ADGRG6: variants seen among roughly 807,000 people sequenced by gnomAD.
The protein encoded by ADGRG6 is adhesion G protein-coupled receptor G6.
ADGRG6 carries 84 observed loss-of-function variants against 142.4 expected under a neutral mutation model. The observed-to-expected ratio is 0.59, with a 90% CI of 0.49 to 0.71. The LOEUF (loss-of-function observed/expected upper bound fraction) is 0.71. Among genes scored for constraint, ADGRG6 ranks in the 30% least tolerant of loss-of-function variants. The pLI is 0.00. For synonymous variants in ADGRG6, 521 were observed against 520.5 expected (o/e 1.00, Z -0.01); for missense variants, 1,367 against 1,466.6 (o/e 0.93, Z 1.11).
intron 2 of ADGRG6, among the ~76,000 whole-genome samples, chr6:142,354,736 A>G (rs1780360395): frequency 1.3e-5 from 2 of 152,222 alleles, no homozygotes; most frequent in Non-Finnish European, 2.9e-5. Flanking sequence ...TTCCTTTCAG[A>G]CAAAATTGCA....
chr6:142,415,931 C>T lies in ADGRG6; in HGVS notation c.2805C>T (p.Val935=). Residue 935 remains valine, a synonymous_variant, in exon 20 of 25, where the codon GTC becomes GTT. Coordinates refer to ENST00000367609, the MANE Select transcript of ADGRG6 (RefSeq NM_198569.3). ...NVDGLCIAVA[V]LLHFFLLATF... is the part of the protein sequence containing the mutation. ...ATGGACTTTGCATTGCTGTTGCAGT[C>T]CTGTTGCATTTCTTCCTTCTGGCAA... The T allele has an allele frequency of 1.2e-6, 2 of 1,613,686 alleles. No individual in the cohort carries two copies. Among genetic ancestry groups the T allele is most frequent in the Non-Finnish European group, 1.7e-6 (2 of 1,179,704 alleles).
chr6:142,367,617 C>A lies in ADGRG6; in HGVS notation c.152C>A (p.Thr51Asn), dbSNP rs374848824. ...CRVVLSNPSG[T>N]FTSPCYPNDY... is the part of the protein sequence containing the mutation. The stretch of plus-strand genomic sequence containing the variant: ...GTGGTTTTGTCCAACCCTTCTGGGA[C>A]CTTTACTTCTCCATGCTACCCTAAC... Residue 51 changes from threonine to asparagine, a missense_variant, in exon 3 of 25, where the codon ACC (threonine) becomes AAC (asparagine). By Grantham distance (65) the Thr-to-Asn change is moderately conservative. Coordinates refer to ENST00000367609, the MANE Select transcript of ADGRG6 (RefSeq NM_198569.3). 5.6e-6 allele frequency: 9 copies of A among 1,613,776 alleles called. No homozygotes were observed. The highest frequency in any genetic ancestry group is 7.6e-6 in the Non-Finnish European group (9 of 1,179,842).
At chr6:142,382,837 T>C (rs1156986371) in intron 5 of ADGRG6, among the ~76,000 whole-genome samples, 2 of 152,144 alleles carry the variant, frequency 1.3e-5, no homozygotes, top group East Asian at 1.9e-4. Context: ...AGAAGTGAGA[T>C]TGAAGAAATA....
intron 21 of ADGRG6, among the ~76,000 whole-genome samples, chr6:142,418,593 T>C (rs1002073331): frequency 1.3e-5 from 2 of 152,186 alleles, no homozygotes; most frequent in Non-Finnish European, 2.9e-5. Flanking sequence ...TTTAGAAGTA[T>C]GTTCATCAAC....
At chr6:142,442,434 T>C (rs554429956) in intron 24 of ADGRG6, among the ~76,000 whole-genome samples, 10 of 152,200 alleles carry the variant, frequency 6.6e-5, no homozygotes, top group African/African-American at 2.2e-4. Context: ...ATAAGTGGGT[T>C]TCAGAACACT....
chr6:142,330,822 T>C (rs1324223880), intron 2 of ADGRG6, among the ~76,000 whole-genome samples: 3 of 152,108 alleles, frequency 2.0e-5, no homozygotes, highest in African/African-American at 7.2e-5. Context: ...AAAAACATGC[T>C]CTTTCGACCT....
At chr6:142,411,046 TGAATC>T (rs1031196315) in intron 17 of ADGRG6, among the ~76,000 whole-genome samples, 13 of 152,260 alleles carry the variant, frequency 8.5e-5, no homozygotes, top group African/African-American at 3.1e-4. Flanking sequence ...AAATTAAACT[TGAATC>T]AAACATTTGT....
chr6:142,405,651 T>C (rs909120879), intron 14 of ADGRG6, 37 bp from the exon 15 acceptor site: 1 of 1,541,048 alleles, frequency 6.5e-7, no homozygotes. Context: ...CATTCAATTA[T>C]GATTACTTGA....
chr6:142,411,938 T>C (rs887255066), intron 18 of ADGRG6, among the ~76,000 whole-genome samples: 3 of 152,120 alleles, frequency 2.0e-5, no homozygotes, highest in Non-Finnish European at 4.4e-5. Context: ...GTGACTAGGG[T>C]TAGAATGGAG....
intron 2 of ADGRG6, among the ~76,000 whole-genome samples, chr6:142,339,128 C>T (rs1779495555): frequency 6.6e-6 from 1 of 152,156 alleles, no homozygotes; most frequent in Non-Finnish European, 1.5e-5. Context: ...TATTTATATA[C>T]ATTAATAGTC....
chr6:142,422,602 G>A (rs1466025578), intron 22 of ADGRG6, among the ~76,000 whole-genome samples: 2 of 151,162 alleles, frequency 1.3e-5, no homozygotes. Flanking sequence ...CTTTGCTATT[G>A]TGAATAATGC....
At chr6:142,392,864 C>T in intron 7 of ADGRG6, 84 bp from the exon 8 acceptor site, 3 of 895,452 alleles carry the variant, frequency 3.4e-6, no homozygotes, top group South Asian at 1.4e-5. Context: ...ATCTCAGTAA[C>T]AACTTATGTT....
At chr6:142,328,375 G>A (rs1002540703) in intron 2 of ADGRG6, among the ~76,000 whole-genome samples, 1 of 151,978 alleles carries the variant, frequency 6.6e-6, no homozygotes, top group Non-Finnish European at 1.5e-5. Context: ...GCTAATTTTT[G>A]TGTATTTTGT....
chr6:142,361,157 C>G (rs903725753), intron 2 of ADGRG6, among the ~76,000 whole-genome samples: 1 of 152,122 alleles, frequency 6.6e-6, no homozygotes, highest in South Asian at 2.1e-4. Context: ...GGCGTTTACT[C>G]CTTGGACCAA....
At chr6:142,435,633 C>G (rs917824937) in intron 22 of ADGRG6, among the ~76,000 whole-genome samples, 2 of 152,050 alleles carry the variant, frequency 1.3e-5, no homozygotes, top group Non-Finnish European at 2.9e-5. Context: ...TCATTAAGTT[C>G]CTGCATATTT....
At chr6:142,330,084 T>A (rs1036678376) in intron 2 of ADGRG6, among the ~76,000 whole-genome samples, 18 of 152,148 alleles carry the variant, frequency 1.2e-4, no homozygotes, top group Admixed American at 2.0e-4. Context: ...CACTGCAATT[T>A]TTTTTAAAAG....
At chr6:142,347,950 A>T (rs1779987676) in intron 2 of ADGRG6, among the ~76,000 whole-genome samples, 1 of 152,166 alleles carries the variant, frequency 6.6e-6, no homozygotes, top group South Asian at 2.1e-4. Flanking sequence ...TTTCTGGCCA[A>T]CAGATTTAAA....
intron 2 of ADGRG6, among the ~76,000 whole-genome samples, chr6:142,340,136 A>T (rs1433177597): frequency 6.6e-6 from 1 of 152,124 alleles, no homozygotes; most frequent in African/African-American, 2.4e-5. Flanking sequence ...CTTGAGAGTA[A>T]TTCTACATCT....
intron 1 of ADGRG6, among the ~76,000 whole-genome samples, chr6:142,304,364 C>T (rs1777380374): frequency 6.6e-6 from 1 of 152,110 alleles, no homozygotes; most frequent in African/African-American, 2.4e-5. Flanking sequence ...ATTTTTCATA[C>T]CCTAAGAAAT....
Sources: gnomAD v4.1 joint callset for allele counts (sites outside exome capture counted in the v4.1 genomes callset) on GRCh38, gnomAD v4.1.1 for gene constraint, MANE v1.5 for transcripts, NCBI Gene and HGNC (gene_info 2026-07-23, HGNC 2026-07-21) for gene names.